The following ANKRD50 variants were observed in gnomAD, a reference collection of about 807,000 sequenced individuals.
ANKRD50 encodes the protein ankyrin repeat domain 50.
ANKRD50 carries 40 observed loss-of-function variants against 112.0 expected under a neutral mutation model. The ratio of observed to expected loss-of-function variants is 0.36; its 90% CI spans 0.28 to 0.46. The LOEUF is 0.46. Ranked by LOEUF, ANKRD50 falls within the 20% of genes least tolerant of loss-of-function variation. The probability of loss-of-function intolerance (pLI) is 1.00; values close to 1 mark genes in which losing one functional copy is unlikely to be tolerated. For synonymous variants in ANKRD50, 613 were observed against 619.1 expected (o/e 0.99, Z 0.15); for missense variants, 1,487 against 1,701.7 (o/e 0.87, Z 2.22).
chr4:124,686,397 C>A (rs1237666874), intron 2 of ANKRD50, among the ~76,000 whole-genome samples: 1 of 152,096 alleles, frequency 6.6e-6, no homozygotes, highest in East Asian at 1.9e-4. Flanking sequence ...TGATAAAGAG[C>A]GTTCACACTC....
Position 124,709,985 on chromosome 4 carries a change from C to T in ANKRD50, c.512+15G>A. 2 of 1,588,662 alleles carry T rather than the reference C, an allele frequency of 1.3e-6. No homozygotes were observed. Among genetic ancestry groups the T allele is most frequent in the Non-Finnish European group, 1.7e-6 (2 of 1,166,876 alleles). ...CAGCATAGAAATCTGAACACCATGA[C>T]ATTTTTATTGTTACCTTTTAAATGC... On this transcript the variant is annotated intron_variant, in intron 2 of 4. Coordinates refer to ENST00000504087, the MANE Select transcript of ANKRD50 (RefSeq NM_020337.3).
chr4:124,691,656 A>G (rs548386947), intron 2 of ANKRD50, among the ~76,000 whole-genome samples: 1 of 152,306 alleles, frequency 6.6e-6, no homozygotes, highest in Non-Finnish European at 1.5e-5. Flanking sequence ...TGCTCTAAAC[A>G]GTACACTTAA....
chr4:124,679,478 G>A (rs1724823329), intron 2 of ANKRD50, among the ~76,000 whole-genome samples: 1 of 152,088 alleles, frequency 6.6e-6, no homozygotes, highest in African/African-American at 2.4e-5. Context: ...TTCAAAGTAA[G>A]AACAAAGTAT....
rs1316018435 is a variant in ANKRD50, at chr4:124,671,237, A to C, written c.2040T>G (p.Ala680=). 6.2e-7 allele frequency: 1 copy of C among 1,613,880 alleles called. No homozygotes were observed. Among genetic ancestry groups the C allele is most frequent in the Non-Finnish European group, 8.5e-7 (1 of 1,179,864 alleles). The change falls in exon 4 of 5, where the codon GCT becomes GCG. Residue 680 remains alanine, a synonymous_variant. Transcript: ENST00000504087. ...VNKADNEGRT[A]LIAAAYMGHR... is the part of the protein sequence containing the mutation. ...GTCCCATGTATGCTGCTGCTATCAA[A>C]GCAGTTCTACCTTCATTATCAGCTT... is the stretch of plus-strand genomic sequence containing the variant.
chr4:124,684,302 G>C (rs1270846768), intron 2 of ANKRD50, among the ~76,000 whole-genome samples: 1 of 152,136 alleles, frequency 6.6e-6, no homozygotes, highest in African/African-American at 2.4e-5. Context: ...AGGCTGGCAA[G>C]AAGTCTCCTT....
intron 2 of ANKRD50, among the ~76,000 whole-genome samples, chr4:124,689,044 A>G (rs1162071780): frequency 6.6e-6 from 1 of 152,152 alleles, no homozygotes; most frequent in African/African-American, 2.4e-5. Context: ...CTCTATGTAT[A>G]CACTCCTATA....
intron 3 of ANKRD50, 124 bp downstream of exon 3, chr4:124,678,552 A>G: frequency 1.2e-6 from 1 of 827,074 alleles, no homozygotes; most frequent in South Asian, 1.8e-5. Flanking sequence ...AAAACGCACA[A>G]TTGAGAATAG....
chr4:124,671,714 G>A lies in ANKRD50; in HGVS notation c.1563C>T (p.Ala521=), dbSNP rs114589928. Residue 521 remains alanine (A), a synonymous_variant, in exon 4 of 5, where the codon GCC becomes GCT. Coordinates refer to ENST00000504087, the MANE Select transcript of ANKRD50 (RefSeq NM_020337.3). ...TCCGAATGGAATCCTCTCTTTCTAA[G>A]GCTTGTCGAACTATGCATGATGTGC... is the stretch of plus-strand genomic sequence containing the variant. The part of the protein sequence containing the change: ...DDRTSCIVRQ[A]LEREDSIRTL... 8.4e-3 allele frequency: 13,520 copies of A among 1,613,844 alleles called. 83 individuals are homozygous for A. Among genetic ancestry groups the A allele is most frequent in the Non-Finnish European group, 0.01 (12,211 of 1,179,848 alleles).
chr4:124,686,521 T>A (rs1393042276), intron 2 of ANKRD50, among the ~76,000 whole-genome samples: 3 of 152,138 alleles, frequency 2.0e-5, no homozygotes, highest in Non-Finnish European at 4.4e-5. Context: ...TTCTCCCATA[T>A]GACCCCTATG....
chr4:124,687,623 T>G (rs1380146212), intron 2 of ANKRD50, among the ~76,000 whole-genome samples: 4 of 152,194 alleles, frequency 2.6e-5, no homozygotes, highest in Admixed American at 1.3e-4. Context: ...TAAAGCAAAT[T>G]TCTGACTAAG....
intron 3 of ANKRD50, among the ~76,000 whole-genome samples, chr4:124,673,708 T>C (rs1222835972): frequency 6.6e-6 from 1 of 151,988 alleles, no homozygotes; most frequent in African/African-American, 2.4e-5. Context: ...AATAATAGGT[T>C]TGGAGAAAAA....
rs11551159 is a variant in ANKRD50 at position 124,664,632 on chromosome 4, T to C, written c.*2886A>G. 1 of 152,310 alleles carries C rather than the reference T, an allele frequency of 6.6e-6. No individual in the cohort carries two copies. Among genetic ancestry groups the C allele is most frequent in the Non-Finnish European group, 1.5e-5 (1 of 67,862 alleles). 9.4% of individuals were successfully genotyped at this position (152,310 alleles called of 1,614,324 possible). Reference sequence around the variant, plus strand: ...TACATACCTCAAACCAAGGGAAAAATAAAAAGAAAGCATTTGTTTGCAACT... The same window carrying C: ...TACATACCTCAAACCAAGGGAAAAACAAAAAGAAAGCATTTGTTTGCAACT... On this transcript the variant is annotated 3_prime_UTR_variant, in exon 5 of 5. Transcript: ENST00000504087.
chr4:124,700,953 T>C (rs556111677), intron 2 of ANKRD50, among the ~76,000 whole-genome samples: 27 of 152,316 alleles, frequency 1.8e-4, no homozygotes, highest in African/African-American at 6.0e-4. Flanking sequence ...AATTAAAAGA[T>C]AGAGAAATAC....
intron 1 of ANKRD50, among the ~76,000 whole-genome samples, chr4:124,712,196 G>A (rs1010322093): frequency 6.6e-6 from 1 of 152,000 alleles, no homozygotes; most frequent in Non-Finnish European, 1.5e-5. Context: ...TGTGTCTTTT[G>A]AAGGGGGAGG....
chr4:124,693,185 A>G (rs1560828064), intron 2 of ANKRD50, among the ~76,000 whole-genome samples: 1 of 152,338 alleles, frequency 6.6e-6, no homozygotes, highest in East Asian at 1.9e-4. Context: ...TAAACCAGGC[A>G]AGTGATGTTA....
chr4:124,686,268 T>C (rs1725005168), intron 2 of ANKRD50, among the ~76,000 whole-genome samples: 1 of 152,342 alleles, frequency 6.6e-6, no homozygotes, highest in Middle Eastern at 3.4e-3. Flanking sequence ...CTTCCTCACT[T>C]GTTCAGACAT....
At chr4:124,678,389 G>A (rs1245786924) in intron 3 of ANKRD50, among the ~76,000 whole-genome samples, 4 of 151,980 alleles carry the variant, frequency 2.6e-5, no homozygotes, top group Admixed American at 6.6e-5. Context: ...AATTGATCAT[G>A]ATACAACAAC....
chr4:124,667,924 A>G (rs1219810634), intron 4 of ANKRD50, among the ~76,000 whole-genome samples: 1 of 152,022 alleles, frequency 6.6e-6, no homozygotes, highest in Admixed American at 6.6e-5. Context: ...GAATTTATCT[A>G]TAATAGTGTT....
intron 2 of ANKRD50, among the ~76,000 whole-genome samples, chr4:124,703,057 C>T (rs555961402): frequency 2.1e-4 from 32 of 151,690 alleles, no homozygotes; most frequent in Admixed American, 4.6e-4. Context: ...CATTGGTAGC[C>T]ATGTAAGTAA....
Sources: gnomAD v4.1 joint callset for allele counts (sites outside exome capture counted in the v4.1 genomes callset) on GRCh38, gnomAD v4.1.1 for gene constraint, MANE v1.5 for transcripts, NCBI Gene and HGNC (gene_info 2026-07-23, HGNC 2026-07-21) for gene names.